GRM5: variants seen among roughly 807,000 people sequenced by gnomAD.
GRM5 encodes glutamate metabotropic receptor 5.
In GRM5, 19 loss-of-function variants were observed where a neutral mutation model predicts 83.1. The ratio of observed to expected loss-of-function variants is 0.23; its 90% confidence interval spans 0.16 to 0.34. The LOEUF (loss-of-function observed/expected upper bound fraction) is 0.34, where lower values mean the gene tolerates loss of function less well. GRM5 is among the 10% of genes least tolerant of loss of function. The pLI, the probability that GRM5 is intolerant of heterozygous loss-of-function variation, is 1.00. For synonymous variants in GRM5, 675 were observed against 633.6 expected, an observed-to-expected ratio of 1.07 and a Z score of -0.98; for missense variants, 1,160 against 1,588.3, an observed-to-expected ratio of 0.73 and a Z score of 4.58.
intron 3 of GRM5, among the ~76,000 whole-genome samples, chr11:88,777,513 C>T (rs1324327650): frequency 6.6e-6 from 1 of 152,154 alleles, no homozygotes; most frequent in Admixed American, 6.6e-5. Context: ...GGAGAAGGGG[C>T]ACTCTGATTT....
intron 7 of GRM5, among the ~76,000 whole-genome samples, chr11:88,579,035 G>A (rs1943172655): frequency 6.6e-6 from 1 of 152,104 alleles, no homozygotes; most frequent in Non-Finnish European, 1.5e-5. Flanking sequence ...GTGTGATCAT[G>A]AGCATGGATA....
At chr11:88,886,444 A>C (rs752402490) in intron 2 of GRM5, among the ~76,000 whole-genome samples, 2 of 152,126 alleles carry the variant, frequency 1.3e-5, no homozygotes, top group Non-Finnish European at 2.9e-5. Context: ...GGCCCCTTTC[A>C]GCCATTTAAA....
At chr11:88,982,879 C>A (rs1379831919) in intron 2 of GRM5, among the ~76,000 whole-genome samples, 1 of 152,066 alleles carries the variant, frequency 6.6e-6, no homozygotes. Context: ...CCAGCCTGAC[C>A]AACATGGAGA....
At chr11:89,058,363 C>T (rs772611668) in intron 1 of GRM5, among the ~76,000 whole-genome samples, 79 of 152,294 alleles carry the variant, frequency 5.2e-4, no homozygotes, top group Non-Finnish European at 7.8e-4. Flanking sequence ...CTTCTGTTCA[C>T]TAGACGACAA....
intron 3 of GRM5, among the ~76,000 whole-genome samples, chr11:88,698,440 C>G (rs1940951925): frequency 6.6e-6 from 1 of 152,192 alleles, no homozygotes; most frequent in Non-Finnish European, 1.5e-5. Flanking sequence ...GCACATATTA[C>G]TTTAGCAAAA....
At chr11:88,711,607 C>T (rs879505241) in intron 3 of GRM5, among the ~76,000 whole-genome samples, 3 of 152,028 alleles carry the variant, frequency 2.0e-5, no homozygotes, top group Non-Finnish European at 4.4e-5. Context: ...ATAAACAAGT[C>T]ATATCATCTC....
At chr11:88,698,174 G>A (rs1940944656) in intron 3 of GRM5, among the ~76,000 whole-genome samples, 2 of 152,136 alleles carry the variant, frequency 1.3e-5, no homozygotes, top group African/African-American at 2.4e-5. Flanking sequence ...ATAAAAAGTG[G>A]TTTCCCATTT....
chr11:88,810,652 G>A (rs1490096016), intron 3 of GRM5, among the ~76,000 whole-genome samples: 2 of 152,018 alleles, frequency 1.3e-5, no homozygotes, highest in Non-Finnish European at 2.9e-5. Flanking sequence ...AAGGGAAACA[G>A]CTTTTACTGA....
intron 3 of GRM5, among the ~76,000 whole-genome samples, chr11:88,684,889 C>G (rs913187880): frequency 1.3e-5 from 2 of 152,192 alleles, no homozygotes. Context: ...CCACATGGAA[C>G]TGTAAGTCCA....
At chr11:88,583,295 C>T (rs773144271) in intron 7 of GRM5, among the ~76,000 whole-genome samples, 9 of 152,142 alleles carry the variant, frequency 5.9e-5, no homozygotes, top group Admixed American at 5.2e-4. Context: ...TTTAACTCTG[C>T]GGCTTTTTTC....
At chr11:88,809,769 C>CAAAA (rs5793350) in intron 3 of GRM5, among the ~76,000 whole-genome samples, 1 of 146,854 alleles carries the variant, frequency 6.8e-6, no homozygotes. Flanking sequence ...GTTAATATGT[C>CAAAA]AAAAAAAAAA....
At chr11:88,581,472 C>A (rs1348571700) in intron 7 of GRM5, among the ~76,000 whole-genome samples, 2 of 152,258 alleles carry the variant, frequency 1.3e-5, no homozygotes, top group South Asian at 2.1e-4. Context: ...ACTCCAAAAC[C>A]TTTTGATTTA....
intron 8 of GRM5, among the ~76,000 whole-genome samples, chr11:88,557,310 G>T (rs1015835340): frequency 6.6e-6 from 1 of 152,130 alleles, no homozygotes; most frequent in Admixed American, 6.6e-5. Flanking sequence ...AGTGTTTACT[G>T]CATAAAGGAT....
intron 4 of GRM5, among the ~76,000 whole-genome samples, chr11:88,645,586 C>A (rs1939421771): frequency 6.6e-6 from 1 of 152,048 alleles, no homozygotes; most frequent in African/African-American, 2.4e-5. Flanking sequence ...GTTTGGCTTC[C>A]TTTTGTAGAC....
chr11:88,535,625 T>A (rs1033503700), intron 8 of GRM5, among the ~76,000 whole-genome samples: 1 of 152,346 alleles, frequency 6.6e-6, no homozygotes, highest in East Asian at 1.9e-4. Context: ...GGTTATAGAC[T>A]TTCTGAGGCT....
intron 2 of GRM5, among the ~76,000 whole-genome samples, chr11:88,910,129 C>T (rs190700477): frequency 1.0e-3 from 159 of 152,216 alleles, no homozygotes; most frequent in Non-Finnish European, 1.9e-3. Context: ...CCTCCATCAA[C>T]GTATCTATTC....
At position 88,716,506 on chromosome 11, in the gene GRM5, G is replaced by A. The variant is rs373066783; in HGVS notation, c.912-63103C>T. On this transcript the variant is annotated intron_variant, in intron 3 of 9. Transcript: ENST00000305447. ...AAGACAAATGAAGCTGCATTCCCTC[G>A]GCATTCTATGTAGTGTGTGGGTGAT... Among the ~76,000 whole-genome samples the A allele has an allele frequency of 8.7e-4, 132 of 151,896 alleles. No homozygotes were observed. In the Middle Eastern group the frequency reaches 0.014, roughly 16 times the overall value.
At chr11:88,678,872 C>T (rs1243704713) in intron 3 of GRM5, among the ~76,000 whole-genome samples, 3 of 151,470 alleles carry the variant, frequency 2.0e-5, no homozygotes, top group African/African-American at 7.3e-5. Flanking sequence ...AAAAAGTATC[C>T]CATTTGAAGC....
intron 3 of GRM5, among the ~76,000 whole-genome samples, chr11:88,663,510 A>G (rs982077431): frequency 3.3e-5 from 5 of 152,240 alleles, no homozygotes; most frequent in Non-Finnish European, 7.3e-5. Flanking sequence ...AAGCAAAATG[A>G]TCCATTTCAA....
Sources: gnomAD v4.1 joint callset for allele counts (sites outside exome capture counted in the v4.1 genomes callset) on GRCh38, gnomAD v4.1.1 for gene constraint, MANE v1.5 for transcripts, NCBI Gene and HGNC (gene_info 2026-07-23, HGNC 2026-07-21) for gene names.